Variants in PRICKLE2 observed in about 807,000 individuals in gnomAD.
PRICKLE2 encodes prickle planar cell polarity protein 2, also known as prickle-like protein 2.
A neutral mutation model predicts 81.4 loss-of-function variants in PRICKLE2; 21 were observed. That is an observed-to-expected ratio of 0.26 (90% CI 0.18 to 0.37). The LOEUF (loss-of-function observed/expected upper bound fraction) is 0.37, where lower values mean the gene tolerates loss of function less well. Ranked by LOEUF, PRICKLE2 falls within the 10% of genes least tolerant of loss-of-function variation. PRICKLE2 has a pLI of 1.00. For synonymous variants in PRICKLE2, 456 were observed against 421.5 expected, an observed-to-expected ratio of 1.08 and a Z score of -1.00; for missense variants, 940 against 1,109.0, an observed-to-expected ratio of 0.85 and a Z score of 2.16.
Position 64,119,506 on chromosome 3 carries a change from G to C in PRICKLE2, c.1661-19581C>G, listed in dbSNP as rs368052203. Among the ~76,000 whole-genome samples the C allele has an allele frequency of 3.3e-5, 5 of 152,276 alleles. No individual in the cohort carries two copies. The South Asian group carries it at 6.2e-4, about 19-fold the overall frequency. ...GAAATGCAAGTCAAAAGCACAATGA[G>C]ATACTATCTCATACCAGTCAGAATG... On this transcript the variant is annotated intron_variant, in intron 7 of 7. Transcript: ENST00000638394.
chr3:64,194,596 C>T (rs899501486), intron 2 of PRICKLE2, among the ~76,000 whole-genome samples: 1 of 152,220 alleles, frequency 6.6e-6, no homozygotes, highest in African/African-American at 2.4e-5. Context: ...GTCAACAGTG[C>T]TGAGGCTGAG....
At position 64,099,305 on chromosome 3, in the gene PRICKLE2, A is replaced by G; in HGVS notation, c.2281T>C (p.Phe761Leu). The part of the protein sequence containing the change: ...TVSDLALQNA[F>L]GDRWGPYFAE... ...AAGTAGGGTCCCCAGCGGTCCCCAA[A>G]GGCATTCTGCAAAGCCAGGTCCGAC... The change falls in exon 8 of 8, where the codon TTT becomes CTT. Residue 761 changes from phenylalanine to leucine, a missense_variant. Phe to Leu is a conservative substitution (Grantham distance 22). This residue lies in a region of PRICKLE2 where 670 missense variants were observed against 717.2 expected (regional missense o/e 0.93). Transcript: ENST00000638394. This position sits in a 1 kb window ranked among gnomAD's most constrained non-coding sequence, Gnocchi z 4.3. The G allele has an allele frequency of 6.2e-7, 1 of 1,614,220 alleles. No individual in the cohort carries two copies. Among genetic ancestry groups the G allele is most frequent in the Non-Finnish European group, 8.5e-7 (1 of 1,180,042 alleles).
chr3:64,096,936 G>A lies in PRICKLE2; in HGVS notation c.*2115C>T, dbSNP rs1160690534. On this transcript the variant is annotated 3_prime_UTR_variant, in exon 8 of 8. Coordinates refer to ENST00000638394, the MANE Select transcript of PRICKLE2 (RefSeq NM_198859.4). ...TTGCCTTTTTAGTTTCATCAATCAA[G>A]GAACTTAAAACTCCAAATTGGACTC... is the stretch of plus-strand genomic sequence containing the variant. 1 of 152,480 alleles carries A rather than the reference G, an allele frequency of 6.6e-6. No homozygotes were observed. 9.4% of individuals were successfully genotyped at this position (152,480 alleles called of 1,614,324 possible). A position where few individuals can be genotyped will look rare whatever the true frequency, so the allele number is the denominator to read the frequency against.
At chr3:64,102,468 C>T (rs936556463) in intron 7 of PRICKLE2, 4 of 152,398 alleles carry the variant, frequency 2.6e-5, no homozygotes, top group South Asian at 4.1e-4. Flanking sequence ...GTGCTCCTTA[C>T]GAGAATCTCA....
intron 1 of PRICKLE2, chr3:64,199,956 G>C (rs946024805): frequency 1.3e-5 from 2 of 152,192 alleles, no homozygotes; most frequent in Non-Finnish European, 2.9e-5. Flanking sequence ...AGATGTGCCT[G>C]AACGTTCTGA....
chr3:64,159,038 G>A (rs1042827940), intron 4 of PRICKLE2, among the ~76,000 whole-genome samples: 1 of 152,206 alleles, frequency 6.6e-6, no homozygotes, highest in Non-Finnish European at 1.5e-5. Context: ...TGGAAAGCCT[G>A]TGGCAGCTGA....
At chr3:64,266,314 T>C (rs2107194451) in intron 2 of PRICKLE2, among the ~76,000 whole-genome samples, 1 of 152,288 alleles carries the variant, frequency 6.6e-6, no homozygotes, top group Admixed American at 6.5e-5. Flanking sequence ...TCTAACAAAG[T>C]GTTCCTTTCC....
At position 64,094,708 on chromosome 3, in the gene PRICKLE2, A is replaced by G. The variant is rs1326211378; in HGVS notation, c.*4343T>C. 1 of 152,630 alleles carries G rather than the reference A, an allele frequency of 6.6e-6. No homozygotes were observed. Among genetic ancestry groups the G allele is most frequent in the Non-Finnish European group, 1.5e-5 (1 of 68,036 alleles). The allele number at this position is 152,630 out of a possible 1,614,324, so 9.5% of individuals were successfully genotyped here. On this transcript the variant is annotated 3_prime_UTR_variant, in exon 8 of 8. Transcript: ENST00000638394. ...ACTACTTCCAAATGGTCATAAGAATAAGCTCTGGTATCTGCTGAGGCACCA... is the reference window on the plus strand; with the variant it reads ...ACTACTTCCAAATGGTCATAAGAATGAGCTCTGGTATCTGCTGAGGCACCA...
chr3:64,126,386 C>T (rs1483791086), intron 7 of PRICKLE2, among the ~76,000 whole-genome samples: 2 of 152,174 alleles, frequency 1.3e-5, no homozygotes, highest in Admixed American at 1.3e-4. Context: ...AGTTTCAAAT[C>T]TTGCAGGCAT....
chr3:64,198,705 AC>A, intron 2 of PRICKLE2, 78 bp downstream of exon 2: 1 of 1,452,170 alleles, frequency 6.9e-7, no homozygotes, highest in Non-Finnish European at 9.7e-7. Context: ...TACTCTTCCT[AC>A]AGAACTGGAA....
rs562799504 is a variant in PRICKLE2 at position 64,186,665 on chromosome 3, T to C, written c.144+12119A>G. Among the ~76,000 whole-genome samples, 5 of 152,282 alleles carry C rather than the reference T, an allele frequency of 3.3e-5. No individual in the cohort carries two copies. In the East Asian group the frequency reaches 9.6e-4, roughly 29 times the overall value. On this transcript the variant is annotated intron_variant, in intron 2 of 7. Coordinates refer to ENST00000638394, the MANE Select transcript of PRICKLE2 (RefSeq NM_198859.4). ...CACCTATACTAACAGCTTGCACATA[T>C]GGGTACTTAATAAACAACTGTTGAA...
chr3:64,146,527 A>G, intron 7 of PRICKLE2: 1 of 332,900 alleles, frequency 3.0e-6, no homozygotes, highest in South Asian at 3.0e-5. Context: ...GTGGATCACG[A>G]GGTCAGGAGA....
chr3:64,171,616 A>T (rs1405986436), intron 2 of PRICKLE2, among the ~76,000 whole-genome samples: 1 of 152,216 alleles, frequency 6.6e-6, no homozygotes, highest in Non-Finnish European at 1.5e-5. Flanking sequence ...GATACTCAAT[A>T]AGTGTTTGTT....
At chr3:64,203,176 G>A (rs1189324712) in intron 1 of PRICKLE2, among the ~76,000 whole-genome samples, 2 of 152,096 alleles carry the variant, frequency 1.3e-5, no homozygotes, top group Admixed American at 1.3e-4. Context: ...ATATACACCA[G>A]ACAGAATGCA....
intron 7 of PRICKLE2, among the ~76,000 whole-genome samples, chr3:64,115,254 G>A (rs2076916344): frequency 6.6e-6 from 1 of 152,260 alleles, no homozygotes; most frequent in East Asian, 1.9e-4. Context: ...ACACACTGAA[G>A]TACCCAGACC....
At chr3:64,235,142 T>A (rs1237150874) in intron 2 of PRICKLE2, among the ~76,000 whole-genome samples, 1 of 152,218 alleles carries the variant, frequency 6.6e-6, no homozygotes, top group Non-Finnish European at 1.5e-5. Flanking sequence ...TTCTGTCAGA[T>A]TAAAATCTAC....
intron 6 of PRICKLE2, 39 bp downstream of exon 6, chr3:64,153,143 T>A (rs757749010): frequency 1.4e-5 from 23 of 1,591,114 alleles, no homozygotes. Context: ...GGTGACCGCA[T>A]CACAGAAGGA....
chr3:64,205,180 T>C (rs535316017), intron 1 of PRICKLE2, among the ~76,000 whole-genome samples: 1 of 151,964 alleles, frequency 6.6e-6, no homozygotes, highest in African/African-American at 2.4e-5. Context: ...ATAATTGGGT[T>C]TGTGAATGAC....
At chr3:64,255,632 T>A (rs2079514721) in intron 2 of PRICKLE2, among the ~76,000 whole-genome samples, 1 of 152,204 alleles carries the variant, frequency 6.6e-6, no homozygotes, top group African/African-American at 2.4e-5. Context: ...TCTCTAGCGC[T>A]CATTTTCTAC....
Sources: allele counts gnomAD v4.1 joint callset (sites outside exome capture counted in the v4.1 genomes callset), GRCh38; gene constraint gnomAD v4.1.1; regional missense constraint gnomAD v4.1.1; non-coding constraint Gnocchi (gnomAD v3.1); transcripts MANE v1.5; gene names NCBI Gene and HGNC (gene_info 2026-07-23, HGNC 2026-07-21).